Variants in PHF24 observed in about 807,000 individuals in gnomAD.
The protein encoded by PHF24 is Galpha inhibitory interacting protein.
PHF24 carries 25 observed loss-of-function variants against 42.6 expected under a neutral mutation model. The ratio of observed to expected loss-of-function variants is 0.59; its 90% CI spans 0.43 to 0.82. PHF24 has a LOEUF of 0.82. Among genes scored for constraint, PHF24 ranks in the 40% least tolerant of loss-of-function variants. PHF24 has a pLI of 0.00. For synonymous variants in PHF24, 185 were observed against 204.8 expected (o/e 0.90, Z 0.83); for missense variants, 470 against 538.1 (o/e 0.87, Z 1.25).
chr9:34,739,407 T>C, the PHF24 span, among the ~76,000 whole-genome samples: 1 of 152,178 alleles, frequency 6.6e-6, no homozygotes, highest in Non-Finnish European at 1.5e-5. Flanking sequence ...CTTCTGGGAA[T>C]TTACCTAATA....
chr9:34,677,447 A>G, the PHF24 span, among the ~76,000 whole-genome samples: 2 of 122,650 alleles, frequency 1.6e-5, 1 homozygote, highest in East Asian at 5.1e-4. Flanking sequence ...CCCAGGCTGG[A>G]GTGCAGTGGC....
chr9:34,932,924 C>T, the PHF24 span, among the ~76,000 whole-genome samples: 3 of 151,810 alleles, frequency 2.0e-5, no homozygotes, highest in Non-Finnish European at 4.4e-5. Context: ...AATGTGAGCC[C>T]CTCCAACATG....
the PHF24 span, among the ~76,000 whole-genome samples, chr9:34,915,026 CTTTTT>C: frequency 5.3e-5 from 2 of 37,458 alleles, no homozygotes; most frequent in African/African-American, 2.4e-4. Flanking sequence ...TTTTTCTTTT[CTTTTT>C]TTTTTTTTTT....
chr9:34,874,560 T>C, the PHF24 span, among the ~76,000 whole-genome samples: 488 of 152,296 alleles, frequency 3.2e-3, 3 homozygotes, highest in Middle Eastern at 0.01. Flanking sequence ...TTTTTCTCTT[T>C]GTTATAGCAT....
chr9:34,930,209 G>A, the PHF24 span, among the ~76,000 whole-genome samples: 6 of 152,202 alleles, frequency 3.9e-5, no homozygotes, highest in Admixed American at 3.9e-4. Context: ...GTTTCTCAGT[G>A]TACTTAAGTG....
the PHF24 span, among the ~76,000 whole-genome samples, chr9:34,770,973 C>A: frequency 6.6e-6 from 1 of 152,000 alleles, no homozygotes; most frequent in Non-Finnish European, 1.5e-5. Flanking sequence ...ATTAGCCAAG[C>A]ATTGTGGCGC....
chr9:34,846,115 A>G, the PHF24 span, among the ~76,000 whole-genome samples: 1 of 152,176 alleles, frequency 6.6e-6, no homozygotes, highest in Non-Finnish European at 1.5e-5. Flanking sequence ...GTATATACCC[A>G]GTAATGGGAT....
chr9:34,770,229 A>C, the PHF24 span, among the ~76,000 whole-genome samples: 1 of 152,208 alleles, frequency 6.6e-6, no homozygotes, highest in African/African-American at 2.4e-5. Context: ...TTGGCAAATG[A>C]CATAAACAGT....
chr9:34,970,789 G>A (rs557372505), intron 1 of PHF24, among the ~76,000 whole-genome samples: 1 of 152,332 alleles, frequency 6.6e-6, no homozygotes, highest in Middle Eastern at 3.4e-3. Context: ...TTTTAGGACA[G>A]GAAGGGAGAC....
chr9:34,884,096 C>A, the PHF24 span, among the ~76,000 whole-genome samples: 1 of 152,072 alleles, frequency 6.6e-6, no homozygotes, highest in Non-Finnish European at 1.5e-5. Context: ...ACCATCCTTC[C>A]GAGAAAACTA....
At chr9:34,928,767 C>T in the PHF24 span, among the ~76,000 whole-genome samples, 5 of 152,172 alleles carry the variant, frequency 3.3e-5, no homozygotes, top group African/African-American at 9.7e-5. Context: ...ATGTATCATC[C>T]AGCTTATCTC....
intron 1 of PHF24, among the ~76,000 whole-genome samples, chr9:34,966,905 A>G (rs1244337085): frequency 6.6e-6 from 1 of 151,994 alleles, no homozygotes; most frequent in Non-Finnish European, 1.5e-5. Context: ...AGAATGCTCC[A>G]ATCAATCATT....
At chr9:34,693,770 C>T in the PHF24 span, among the ~76,000 whole-genome samples, 1 of 152,136 alleles carries the variant, frequency 6.6e-6, no homozygotes, top group Non-Finnish European at 1.5e-5. Context: ...TTACGCCTGG[C>T]CTGCTATGTT....
At chr9:34,786,162 G>A in the PHF24 span, among the ~76,000 whole-genome samples, 5,276 of 152,232 alleles carry the variant, frequency 0.035, 132 homozygotes, top group East Asian at 0.072. Flanking sequence ...TCCTTTGGAG[G>A]ACTTTGAGCA....
At chr9:34,977,688 A>C (rs781268314) in intron 7 of PHF24, 47 bp downstream of exon 7, 1 of 1,442,782 alleles carries the variant, frequency 6.9e-7, no homozygotes, top group South Asian at 1.2e-5. Context: ...CTGAACCCCC[A>C]CAAAACACAC....
At chr9:34,749,885 A>T in the PHF24 span, among the ~76,000 whole-genome samples, 4 of 152,146 alleles carry the variant, frequency 2.6e-5, no homozygotes, top group Admixed American at 2.6e-4. Context: ...GCAGGGCAGC[A>T]GACTTTTCAG....
the PHF24 span, among the ~76,000 whole-genome samples, chr9:34,927,357 C>T: frequency 6.6e-6 from 1 of 152,062 alleles, no homozygotes; most frequent in East Asian, 1.9e-4. Flanking sequence ...TGGCTACCGG[C>T]CCCCAGAACA....
the PHF24 span, among the ~76,000 whole-genome samples, chr9:34,717,827 G>A: frequency 6.6e-6 from 1 of 152,168 alleles, no homozygotes; most frequent in Non-Finnish European, 1.5e-5. Flanking sequence ...GTTTGTGCCC[G>A]TGTCTGCTCA....
At chr9:34,803,136 C>T in the PHF24 span, among the ~76,000 whole-genome samples, 8 of 152,264 alleles carry the variant, frequency 5.3e-5, no homozygotes, top group South Asian at 8.3e-4. Flanking sequence ...CTCCAGGCTA[C>T]GAGGCCCCTG....
Sources: gnomAD v4.1 joint callset for allele counts (sites outside exome capture counted in the v4.1 genomes callset) on GRCh38, gnomAD v4.1.1 for gene constraint, MANE v1.5 for transcripts, NCBI Gene and HGNC (gene_info 2026-07-23, HGNC 2026-07-21) for gene names.